Variants in SLC41A3 observed in about 807,000 individuals in gnomAD.
SLC41A3 encodes the protein solute carrier family 41 member 3, also known as SLC41A1-like 2.
A neutral mutation model predicts 45.4 loss-of-function variants in SLC41A3; 44 were observed. That is an observed-to-expected ratio of 0.97 (90% CI 0.76 to 1.25). The LOEUF (loss-of-function observed/expected upper bound fraction) is 1.25, where lower values mean the gene tolerates loss of function less well. Ranked by LOEUF, SLC41A3 falls within the 50% of genes most tolerant of loss-of-function variation. The pLI is 0.00. For synonymous variants in SLC41A3, 256 were observed against 252.4 expected (o/e 1.01, Z -0.13); for missense variants, 550 against 600.6 (o/e 0.92, Z 0.88).
In SLC41A3 at chr3:126,006,916, G is replaced by C; in HGVS notation, c.*100C>G. 1 of 1,570,124 alleles carries C rather than the reference G, an allele frequency of 6.4e-7. No homozygotes were observed. The highest frequency in any genetic ancestry group is 8.6e-7 in the Non-Finnish European group (1 of 1,157,930). ...CACAAAAGGCTACTGCAGAGGCAGG[G>C]GTCAACCATCCCAAGGACCTGGCAA... On this transcript the variant is annotated 3_prime_UTR_variant, in exon 11 of 11. Transcript: ENST00000360370.
intron 2 of SLC41A3, chr3:126,056,796 G>T: frequency 7.5e-7 from 1 of 1,326,988 alleles, no homozygotes; most frequent in Non-Finnish European, 9.6e-7. Flanking sequence ...ACTCTGCCAG[G>T]CCCTGCTGTC....
chr3:126,083,544 C>T (rs1018963929), intron 1 of SLC41A3, among the ~76,000 whole-genome samples: 2 of 152,086 alleles, frequency 1.3e-5, no homozygotes, highest in African/African-American at 4.8e-5. Context: ...TTGCACCGAG[C>T]CCACCCAGGA....
chr3:126,082,013 C>G (rs1210230825), intron 1 of SLC41A3, among the ~76,000 whole-genome samples: 1 of 152,250 alleles, frequency 6.6e-6, no homozygotes, highest in African/African-American at 2.4e-5. Context: ...AGAGGAAGGC[C>G]TGGCCAGGGT....
At chr3:126,095,321 G>A in intron 1 of SLC41A3, 1 of 612,790 alleles carries the variant, frequency 1.6e-6, no homozygotes, top group Non-Finnish European at 2.9e-6. Context: ...ATGCTCAGGA[G>A]GACCCCAACT....
At chr3:126,071,526 C>A (rs1184346844) in intron 1 of SLC41A3, among the ~76,000 whole-genome samples, 1 of 152,154 alleles carries the variant, frequency 6.6e-6, no homozygotes, top group Non-Finnish European at 1.5e-5. Context: ...AGGACTTCAA[C>A]AACATTATAA....
chr3:126,050,741 C>T (rs1454236571), intron 3 of SLC41A3, among the ~76,000 whole-genome samples: 5 of 152,166 alleles, frequency 3.3e-5, no homozygotes, highest in Non-Finnish European at 2.9e-5. Context: ...GTGCACATCC[C>T]TCAGTCATCC....
chr3:126,096,992 GT>G (rs1305073869), intron 1 of SLC41A3, among the ~76,000 whole-genome samples: 1 of 152,246 alleles, frequency 6.6e-6, no homozygotes, highest in Non-Finnish European at 1.5e-5. Context: ...AGGAATGGAA[GT>G]TTATTTAAGA....
intron 3 of SLC41A3, among the ~76,000 whole-genome samples, chr3:126,049,683 C>T (rs1017151818): frequency 6.6e-6 from 1 of 152,222 alleles, no homozygotes; most frequent in Non-Finnish European, 1.5e-5. Flanking sequence ...CCACATCCCA[C>T]AAGGCTCCAC....
At chr3:126,063,949 A>T (rs868566339) in intron 2 of SLC41A3, among the ~76,000 whole-genome samples, 1 of 101,996 alleles carries the variant, frequency 9.8e-6, no homozygotes, top group Admixed American at 1.2e-4. Flanking sequence ...GCCAGATCCA[A>T]CCCCCCCCCG....
intron 3 of SLC41A3, among the ~76,000 whole-genome samples, chr3:126,043,944 C>T (rs1004250550): frequency 4.6e-5 from 7 of 151,940 alleles, no homozygotes; most frequent in Admixed American, 4.6e-4. Flanking sequence ...TCAGTAATTA[C>T]TTTCAATGTA....
intron 6 of SLC41A3, among the ~76,000 whole-genome samples, chr3:126,020,087 G>T (rs1940698439): frequency 6.6e-6 from 1 of 152,084 alleles, no homozygotes. Flanking sequence ...TGCAAGTCTG[G>T]ACAATTAGCA....
intron 3 of SLC41A3, among the ~76,000 whole-genome samples, chr3:126,049,121 C>T (rs13067299): frequency 0.74 from 112,524 of 151,806 alleles, 42,081 homozygotes; most frequent in African/African-American, 0.83. Context: ...TAGTTCTTTT[C>T]TTCCTCTCAT....
At chr3:126,074,918 T>C (rs1458947217) in intron 1 of SLC41A3, among the ~76,000 whole-genome samples, 1 of 152,162 alleles carries the variant, frequency 6.6e-6, no homozygotes, top group Non-Finnish European at 1.5e-5. Context: ...GCTCAGGTGA[T>C]CCTCCCACCT....
intron 1 of SLC41A3, among the ~76,000 whole-genome samples, chr3:126,083,291 A>T (rs1232879933): frequency 6.6e-6 from 1 of 152,228 alleles, no homozygotes. Context: ...CAGGAAAGGC[A>T]GTGCTGCTGG....
intron 3 of SLC41A3, among the ~76,000 whole-genome samples, chr3:126,049,812 G>C (rs575305107): frequency 2.1e-4 from 32 of 152,094 alleles, no homozygotes; most frequent in Non-Finnish European, 3.5e-4. Flanking sequence ...GAGTCTTATG[G>C]GGTCAAAATC....
At chr3:126,036,176 G>A (rs761002926) in intron 3 of SLC41A3, among the ~76,000 whole-genome samples, 1 of 152,162 alleles carries the variant, frequency 6.6e-6, no homozygotes, top group East Asian at 1.9e-4. Flanking sequence ...TTTCCTTATT[G>A]TCTACGTAAA....
At chr3:126,043,829 CAAA>C (rs370988840) in intron 3 of SLC41A3, among the ~76,000 whole-genome samples, 12 of 23,738 alleles carry the variant, frequency 5.1e-4, no homozygotes, top group Admixed American at 6.4e-4. Context: ...AACAAAAAAA[CAAA>C]AAAAAAACAC....
chr3:126,086,624 A>G (rs1945399542), upstream of SLC41A3, among the ~76,000 whole-genome samples: 1 of 151,468 alleles, frequency 6.6e-6, no homozygotes, highest in Admixed American at 6.6e-5. Context: ...AGCAAACCAG[A>G]CTGTCTCTTG....
At chr3:126,056,194 T>C (rs1012295838) in intron 2 of SLC41A3, among the ~76,000 whole-genome samples, 1 of 152,152 alleles carries the variant, frequency 6.6e-6, no homozygotes, top group Admixed American at 6.6e-5. Context: ...AGGTCCCTCC[T>C]GCCAGCCTCG....
Sources: allele counts gnomAD v4.1 joint callset (sites outside exome capture counted in the v4.1 genomes callset), GRCh38; gene constraint gnomAD v4.1.1; transcripts MANE v1.5; gene names NCBI Gene and HGNC (gene_info 2026-07-23, HGNC 2026-07-21).